Variants in MCM8 observed in about 807,000 individuals in gnomAD.
MCM8 encodes the protein minichromosome maintenance 8 homologous recombination repair factor.
MCM8 carries 85 observed loss-of-function variants against 98.9 expected under a neutral mutation model. The observed-to-expected ratio is 0.86, with a 90% CI of 0.72 to 1.03. The LOEUF (loss-of-function observed/expected upper bound fraction) is 1.03, where lower values mean the gene tolerates loss of function less well. Among genes scored for constraint, MCM8 ranks in the 50% least tolerant of loss-of-function variants. MCM8 has a pLI of 0.00. For missense variants in MCM8, 951 were observed against 997.8 expected, an observed-to-expected ratio of 0.95 and a Z score of 0.63; for synonymous variants, 352 against 338.6, an observed-to-expected ratio of 1.04 and a Z score of -0.44.
chr20:5,982,297 T>C (rs189399761), intron 13 of MCM8, among the ~76,000 whole-genome samples: 1 of 152,252 alleles, frequency 6.6e-6, no homozygotes, highest in East Asian at 1.9e-4. Flanking sequence ...TACTTAGGTA[T>C]AGAGTAGATA....
Position 5,954,625 on chromosome 20 carries a change from C to T in MCM8, c.271C>T (p.Pro91Ser), listed in dbSNP as rs562745413. 2 of 1,608,146 alleles carry T rather than the reference C, an allele frequency of 1.2e-6. No homozygotes were observed. The highest frequency in any genetic ancestry group is 1.7e-5 in the Admixed American group (1 of 59,918). ...YFSEVYSDSS[P>S]LIEKIQAFEK... The stretch of plus-strand genomic sequence containing the variant: ...TGGATTAGTTTACAGCGATAGCTCT[C>T]CTTTGATTGAGAAGATTCAAGCATT... Residue 91 changes from proline to serine, a missense_variant, in exon 4 of 19, where the codon CCT (proline) becomes TCT (serine). Pro to Ser is a moderately conservative substitution (Grantham distance 74, BLOSUM62 -1). Coordinates refer to ENST00000610722, the MANE Select transcript of MCM8 (RefSeq NM_032485.6).
chr20:5,952,810 C>T (rs951764862), intron 3 of MCM8, among the ~76,000 whole-genome samples: 6 of 152,200 alleles, frequency 3.9e-5, no homozygotes, highest in African/African-American at 1.2e-4. Context: ...ATTGAGGTAA[C>T]TCCCCAGAAA....
At chr20:5,985,459 G>A (rs2089713016) in intron 15 of MCM8, among the ~76,000 whole-genome samples, 2 of 145,372 alleles carry the variant, frequency 1.4e-5, no homozygotes, top group African/African-American at 5.0e-5. Flanking sequence ...AAAAAAAAAA[G>A]GAATCTAAGT....
At chr20:5,955,767 T>G (rs563193683) in intron 5 of MCM8, among the ~76,000 whole-genome samples, 2 of 152,270 alleles carry the variant, frequency 1.3e-5, no homozygotes, top group Non-Finnish European at 2.9e-5. Flanking sequence ...ACTTTTTAAA[T>G]TTTTTAAATT....
chr20:5,973,494 T>C (rs2089446672), intron 12 of MCM8, among the ~76,000 whole-genome samples: 1 of 152,216 alleles, frequency 6.6e-6, no homozygotes, highest in African/African-American at 2.4e-5. Context: ...TGTTAGTTGT[T>C]ATGTGACCTC....
rs1303666514 is a variant in MCM8, at chr20:5,993,638, T to G, written c.2373T>G (p.Tyr791Ter). Residue 791 changes from tyrosine (Y) to a stop codon, truncating the protein, a stop_gained, in exon 18 of 19, where the codon TAT (tyrosine) becomes TAG (stop). Coordinates refer to ENST00000610722, the MANE Select transcript of MCM8 (RefSeq NM_032485.6). LOFTEE classifies it high-confidence loss of function. ...SALNNVAERTYNNIFQFHQLR... is the reference protein window; with the variant it reads ...SALNNVAERT ...TCAACAACGTTGCTGAAAGAACTTATAATAATATATTTCAATTTCATCAAC... is the reference window on the plus strand; with the variant it reads ...TCAACAACGTTGCTGAAAGAACTTAGAATAATATATTTCAATTTCATCAAC... The G allele has an allele frequency of 6.2e-7, 1 of 1,611,178 alleles. No homozygotes were observed. The highest frequency in any genetic ancestry group is 8.5e-7 in the Non-Finnish European group (1 of 1,178,152).
Position 5,967,843 on chromosome 20 carries a change from G to C in MCM8, c.1041G>C (p.Lys347Asn). 1 of 1,603,876 alleles carries C rather than the reference G, an allele frequency of 6.2e-7. No homozygotes were observed. Among genetic ancestry groups the C allele is most frequent in the Non-Finnish European group, 8.5e-7 (1 of 1,176,136 alleles). ...VSNAEEGSRN[K>N]NDKCMFLLYI... is the part of the protein sequence containing the mutation. ...TTTAATTTACAGGTTCTCGAAATAA[G>C]AATGACAAGTGTATGTTCCTTTTGT... The change falls in exon 10 of 19, where the codon AAG (lysine) becomes AAC (asparagine). Residue 347 changes from lysine to asparagine, a missense_variant. Coordinates refer to ENST00000610722, the MANE Select transcript of MCM8 (RefSeq NM_032485.6).
Position 5,998,943 on chromosome 20 carries a change from G to A in MCM8, c.*4552G>A, listed in dbSNP as rs1439736609. On this transcript the variant is annotated 3_prime_UTR_variant, in exon 19 of 19. Coordinates refer to ENST00000610722, the MANE Select transcript of MCM8 (RefSeq NM_032485.6). ...TATACCATGGAGTTACTTACCATGT[G>A]TATACATAACACTGATTAAAAATTT... The A allele has an allele frequency of 2.0e-5, 3 of 151,832 alleles. No individual in the cohort carries two copies. Among genetic ancestry groups the A allele is most frequent in the African/African-American group, 7.3e-5 (3 of 41,294 alleles). The allele number at this position is 151,832 out of a possible 1,614,324, so 9.4% of individuals were successfully genotyped here. A position where few individuals can be genotyped will look rare whatever the true frequency, so the allele number is the denominator to read the frequency against.
In MCM8 at chr20:5,995,852, CGAA is replaced by C. The variant is rs1645491268; in HGVS notation, c.*1464_*1466del. The C allele has an allele frequency of 1.3e-5, 2 of 152,034 alleles. No individual in the cohort carries two copies. Among genetic ancestry groups the C allele is most frequent in the South Asian group, 4.1e-4 (2 of 4,830 alleles). The allele number at this position is 152,034 out of a possible 1,614,324, so 9.4% of individuals were successfully genotyped here. On this transcript the variant is annotated 3_prime_UTR_variant, in exon 19 of 19. Transcript: ENST00000610722. Reference sequence around the variant, plus strand: ...CTACTAAAATACGGCTTCCCGCAAACGAAGATGAATGGAAAATGTAAATAAAAA... The same window carrying C: ...CTACTAAAATACGGCTTCCCGCAAACGATGAATGGAAAATGTAAATAAAAA...
intron 13 of MCM8, among the ~76,000 whole-genome samples, chr20:5,978,710 A>C (rs2089567374): frequency 3.3e-5 from 5 of 152,186 alleles, no homozygotes; most frequent in Admixed American, 3.3e-4. Flanking sequence ...GGTGTGCGTG[A>C]CCACATCCAG....
intron 17 of MCM8, 27 bp from the exon 18 acceptor site, chr20:5,993,479 G>A (rs780002887): frequency 1.0e-5 from 15 of 1,496,576 alleles, no homozygotes; most frequent in Non-Finnish European, 1.3e-5. Context: ...GCTACATTGG[G>A]TAATTTTTTC....
intron 12 of MCM8, among the ~76,000 whole-genome samples, chr20:5,974,504 T>C (rs1456410011): frequency 6.6e-6 from 1 of 152,232 alleles, no homozygotes; most frequent in Non-Finnish European, 1.5e-5. Flanking sequence ...TCTGGCCCTT[T>C]AGTAAGTTGT....
At chr20:5,958,749 C>T (rs1391372250) in intron 7 of MCM8, 23 bp downstream of exon 7, 2 of 1,597,910 alleles carry the variant, frequency 1.3e-6, no homozygotes, top group East Asian at 4.5e-5. Context: ...TTAACTGCTT[C>T]TTTATTTATC....
At chr20:5,978,909 G>T (rs2089572705) in intron 13 of MCM8, among the ~76,000 whole-genome samples, 1 of 151,954 alleles carries the variant, frequency 6.6e-6, no homozygotes, top group South Asian at 2.1e-4. Flanking sequence ...GAACTCATTG[G>T]TTTTTTTTCA....
chr20:5,976,138 T>A (rs151312742), intron 12 of MCM8, among the ~76,000 whole-genome samples: 12 of 151,734 alleles, frequency 7.9e-5, no homozygotes, highest in Non-Finnish European at 1.3e-4. Flanking sequence ...AAAACAATTT[T>A]AAAAAAAATT....
Position 5,986,112 on chromosome 20 carries a change from C to A in MCM8, c.2144C>A (p.Ser715Tyr), listed in dbSNP as rs1417668763. 1.2e-6 allele frequency: 2 copies of A among 1,614,052 alleles called. No homozygotes were observed. The highest frequency in any genetic ancestry group is 2.2e-5 in the East Asian group (1 of 44,892). Residue 715 changes from serine (S) to tyrosine (Y), a missense_variant, in exon 16 of 19, where the codon TCT becomes TAT. By Grantham distance (144) the Ser-to-Tyr change is moderately radical. Transcript: ENST00000610722. The stretch of plus-strand genomic sequence containing the variant: ...CCAATCACTACCAGGCAGCTGGAAT[C>A]TTTGATTCGTCTGACAGAGGTTTGT... ...SSPITTRQLESLIRLTEARAR... is the reference protein window; with the variant it reads ...SSPITTRQLEYLIRLTEARAR...
chr20:5,957,462 T>G (rs991473813), intron 6 of MCM8, among the ~76,000 whole-genome samples: 1 of 152,244 alleles, frequency 6.6e-6, no homozygotes, highest in African/African-American at 2.4e-5. Flanking sequence ...CAGATTTTTG[T>G]AAACATTGGT....
In MCM8 at chr20:5,962,604, G is replaced by A. The variant is rs1455355487; in HGVS notation, c.790-670G>A. Reference sequence around the variant, plus strand: ...TTAGCCAGGATGGTCTCGATCTCCCGACCTCATGATCCACCCGCCTCGGCC... The same window carrying A: ...TTAGCCAGGATGGTCTCGATCTCCCAACCTCATGATCCACCCGCCTCGGCC... On this transcript the variant is annotated intron_variant, in intron 7 of 18. Transcript: ENST00000610722. Among the ~76,000 whole-genome samples, 3 of 68,630 alleles carry A rather than the reference G, an allele frequency of 4.4e-5. 1 individual carries two copies. Among genetic ancestry groups the A allele is most frequent in the Non-Finnish European group, 6.7e-5 (3 of 44,448 alleles). 45.0% of individuals were successfully genotyped at this position (68,630 alleles called of 152,430 possible).
At chr20:5,955,313 C>T in intron 5 of MCM8, 62 bp downstream of exon 5, 1 of 1,446,724 alleles carries the variant, frequency 6.9e-7, no homozygotes, top group South Asian at 1.3e-5. Flanking sequence ...CACACATGCA[C>T]ACCTTGTCTA....
Sources: gnomAD v4.1 joint callset for allele counts (sites outside exome capture counted in the v4.1 genomes callset) on GRCh38, gnomAD v4.1.1 for gene constraint, MANE v1.5 for transcripts, NCBI Gene and HGNC (gene_info 2026-07-23, HGNC 2026-07-21) for gene names.